B4GALT3: variants seen among roughly 807,000 people sequenced by gnomAD.
B4GALT3 encodes the protein beta-1,4-galactosyltransferase 3.
A neutral mutation model predicts 40.7 loss-of-function variants in B4GALT3; 29 were observed. The observed-to-expected ratio is 0.71, with a 90% CI of 0.53 to 0.97. B4GALT3 has a LOEUF of 0.97. Among genes scored for constraint, B4GALT3 ranks in the 50% least tolerant of loss-of-function variants. The probability of loss-of-function intolerance (pLI) is 0.00; values close to 1 mark genes in which losing one functional copy is unlikely to be tolerated. For synonymous variants in B4GALT3, 182 were observed against 203.9 expected (o/e 0.89, Z 0.92); for missense variants, 390 against 522.3 (o/e 0.75, Z 2.47).
At position 161,171,318 on chromosome 1, in the gene B4GALT3, A is replaced by C; in HGVS notation, c.*498T>G. 7.3e-7 allele frequency: 1 copy of C among 1,361,558 alleles called. No individual in the cohort carries two copies. The highest frequency in any genetic ancestry group is 1.2e-5 in the South Asian group (1 of 83,202). The allele number at this position is 1,361,558 out of a possible 1,614,324, so 84.3% of individuals were successfully genotyped here. A position where few individuals can be genotyped will look rare whatever the true frequency, so the allele number is the denominator to read the frequency against. The stretch of plus-strand genomic sequence containing the variant: ...CAGAAAGCAGGAGCAGATGCGAGAC[A>C]AAGTCCTTTATTAGAAAATATATCA... On this transcript the variant is annotated 3_prime_UTR_variant, in exon 8 of 8. Coordinates refer to ENST00000319769, the MANE Select transcript of B4GALT3 (RefSeq NM_003779.4).
At position 161,171,346 on chromosome 1, in the gene B4GALT3, A is replaced by C; in HGVS notation, c.*470T>G. The C allele has an allele frequency of 2.6e-6, 3 of 1,158,972 alleles. No individual in the cohort carries two copies. The highest frequency in any genetic ancestry group is 3.7e-6 in the Non-Finnish European group (3 of 812,760). 71.8% of individuals were successfully genotyped at this position (1,158,972 alleles called of 1,614,324 possible). ...GTCCTTTATTAGAAAATATATCAAA[A>C]TCCCAGCCCCCTGAGCCAGGACCAG... On this transcript the variant is annotated 3_prime_UTR_variant, in exon 8 of 8. Transcript: ENST00000319769.
At position 161,176,941 on chromosome 1, in the gene B4GALT3, T is replaced by C. The variant is rs1391330826; in HGVS notation, c.-160-362A>G. On this transcript the variant is annotated intron_variant, in intron 1 of 7. Coordinates refer to ENST00000319769, the MANE Select transcript of B4GALT3 (RefSeq NM_003779.4). ...GGCGAAGTAGGAAACAGGCTCCTTC[T>C]ATTCTTCATGTGCCTGGGTGCCAAC... 3 of 1,536,072 alleles carry C rather than the reference T, an allele frequency of 2.0e-6. No individual in the cohort carries two copies. The African/African-American group carries it at 4.1e-5, about 21-fold the overall frequency.
chr1:161,176,857 C>T (rs1463869712), intron 1 of B4GALT3: 11 of 1,535,762 alleles, frequency 7.2e-6, no homozygotes, highest in Non-Finnish European at 7.9e-6. Flanking sequence ...AGACCAAGAA[C>T]CAGTTGAAGT....
chr1:161,176,837 G>A, intron 1 of B4GALT3: 4 of 1,533,956 alleles, frequency 2.6e-6, no homozygotes, highest in Non-Finnish European at 3.5e-6. Flanking sequence ...TGGAAACATT[G>A]TTTTCCCCCA....
In B4GALT3 at chr1:161,173,561, A is replaced by T. The variant is rs377565818; in HGVS notation, c.803+44T>A. The T allele has an allele frequency of 1.2e-3, 1,963 of 1,612,184 alleles. 2 individuals are homozygous for T. The highest frequency in any genetic ancestry group is 1.6e-3 in the Non-Finnish European group (1,845 of 1,179,706). Reference sequence around the variant, plus strand: ...TCAAAGGTGGTCTTAGAGGACAGGGATCCAGACTGGGGTCAGGAGGGAGGA... The same window carrying T: ...TCAAAGGTGGTCTTAGAGGACAGGGTTCCAGACTGGGGTCAGGAGGGAGGA... On this transcript the variant is annotated intron_variant, in intron 6 of 7. Transcript: ENST00000319769.
chr1:161,177,197 G>A, intron 1 of B4GALT3: 1 of 932,668 alleles, frequency 1.1e-6, no homozygotes, highest in Non-Finnish European at 1.6e-6. Context: ...GCGCTGTGGA[G>A]GGGGTTAAAA....
At chr1:161,172,675 C>T (rs182254328) in intron 6 of B4GALT3, among the ~76,000 whole-genome samples, 2 of 133,768 alleles carry the variant, frequency 1.5e-5, no homozygotes, top group Admixed American at 1.5e-4. Context: ...CTGGGAGTTG[C>T]TGAGAATCTT....
chr1:161,172,668 G>A (rs1661880293), intron 6 of B4GALT3, among the ~76,000 whole-genome samples: 1 of 143,474 alleles, frequency 7.0e-6, no homozygotes, highest in East Asian at 2.1e-4. Flanking sequence ...GAGAAGACTG[G>A]GAGTTGCTGA....
intron 1 of B4GALT3, 181 bp from the exon 2 acceptor site, chr1:161,176,760 C>A: frequency 9.3e-7 from 1 of 1,071,490 alleles, no homozygotes; most frequent in Non-Finnish European, 1.4e-6. Flanking sequence ...GTGTCAGGTT[C>A]ATACTTAACC....
At chr1:161,173,514 G>T in intron 6 of B4GALT3, 91 bp downstream of exon 6, 1 of 1,577,358 alleles carries the variant, frequency 6.3e-7, no homozygotes, top group Non-Finnish European at 8.7e-7. Flanking sequence ...GGGAGCTAAA[G>T]GTTAGTGTTG....
Position 161,175,855 on chromosome 1 carries a change from G to A in B4GALT3, c.206C>T (p.Pro69Leu), listed in dbSNP as rs1211378370. 1.2e-6 allele frequency: 2 copies of A among 1,614,158 alleles called. No individual in the cohort carries two copies. Among genetic ancestry groups the A allele is most frequent in the African/African-American group, 1.3e-5 (1 of 75,026 alleles). The change falls in exon 3 of 8, where the codon CCA becomes CTA. Residue 69 changes from proline (P) to leucine (L), a missense_variant. Coordinates refer to ENST00000319769, the MANE Select transcript of B4GALT3 (RefSeq NM_003779.4). ...ACAGTAGGGCAGACCTTGAGGAGCT[G>A]GAGGACCCCCTGGGGCCCCAGGCAG... ...SHLPGAPGGP[P>L]APQGLPYCPE...
Position 161,176,157 on chromosome 1 carries a change from T to C in B4GALT3, c.-14-83A>G, listed in dbSNP as rs1663433844. 7.6e-6 allele frequency: 11 copies of C among 1,452,334 alleles called. No individual in the cohort carries two copies. The Admixed American group carries it at 1.9e-4, about 25-fold the overall frequency. The allele number at this position is 1,452,334 out of a possible 1,614,324, so 90.0% of individuals were successfully genotyped here. On this transcript the variant is annotated intron_variant, in intron 2 of 7. Transcript: ENST00000319769. ...GGTCAGTAGGTAGGGTTGAAGGTGA[T>C]GCCAGGGGTAAAGAGGAAAAAGCAG...
At position 161,171,973 on chromosome 1, in the gene B4GALT3, A is replaced by G. The variant is rs1404380783; in HGVS notation, c.1025T>C (p.Ile342Thr). 6.2e-7 allele frequency: 1 copy of G among 1,614,124 alleles called. No homozygotes were observed. Among genetic ancestry groups the G allele is most frequent in the Admixed American group, 1.7e-5 (1 of 60,014 alleles). The change falls in exon 8 of 8, where the codon ATT (isoleucine) becomes ACT (threonine). Residue 342 changes from isoleucine (I) to threonine (T), a missense_variant. By Grantham distance (89) the Ile-to-Thr change is moderately conservative. Coordinates refer to ENST00000319769, the MANE Select transcript of B4GALT3 (RefSeq NM_003779.4). Reference sequence around the variant, plus strand: ...CCGAGGACCCCGAGGGTCAGTCCCAATGTCTGCTGTGATGTTGGTATAAAG... The same window carrying G: ...CCGAGGACCCCGAGGGTCAGTCCCAGTGTCTGCTGTGATGTTGGTATAAAG... ...GPLYTNITADIGTDPRGPRAP... is the reference protein window; with the variant it reads ...GPLYTNITADTGTDPRGPRAP...
Position 161,172,324 on chromosome 1 carries a change from G to A in B4GALT3, c.811C>T (p.Leu271=), listed in dbSNP as rs772007951. 1.2e-6 allele frequency: 2 copies of A among 1,613,756 alleles called. No homozygotes were observed. The highest frequency in any genetic ancestry group is 1.7e-6 in the Non-Finnish European group (2 of 1,179,936). The change falls in exon 7 of 8, where the codon CTG becomes TTG. Residue 271 remains leucine (L), a synonymous_variant. Transcript: ENST00000319769. ...GGCCGAGAGATCTTCATCCCAGCCAGGCGCACCCTATGGGAAAAGTGAGGG... is the reference window on the plus strand; with the variant it reads ...GGCCGAGAGATCTTCATCCCAGCCAAGCGCACCCTATGGGAAAAGTGAGGG... The part of the protein sequence containing the change: ...EDDDIATRVR[L]AGMKISRPPT...
intron 1 of B4GALT3, chr1:161,176,813 G>A (rs1419850952): frequency 3.1e-5 from 47 of 1,518,058 alleles, no homozygotes; most frequent in East Asian, 1.7e-4. Context: ...GGGGAGTGGG[G>A]ACAGGACAGC....
At chr1:161,175,731 C>CA (rs764397880) in intron 3 of B4GALT3, 77 bp downstream of exon 3, 32 of 1,568,000 alleles carry the variant, frequency 2.0e-5, no homozygotes, top group Non-Finnish European at 2.7e-5. Flanking sequence ...TCTGCCACTC[C>CA]ATGCCTCCCT....
chr1:161,173,258 GC>G (rs1302679715), intron 6 of B4GALT3, among the ~76,000 whole-genome samples: 1 of 152,176 alleles, frequency 6.6e-6, no homozygotes, highest in Non-Finnish European at 1.5e-5. Context: ...ATGGAGCAGA[GC>G]CCCTCTCTCC....
chr1:161,171,823 G>A lies in B4GALT3; in HGVS notation c.1175C>T (p.Ser392Leu). ...GTAGACAGGAAGGAGGAGTCAGTGT[G>A]AACCTCGGAGGGCTGTGTGGTTGGC... ...STANHTALRG[S>L]H Residue 392 changes from serine (S) to leucine (L), a missense_variant, in exon 8 of 8, where the codon TCA becomes TTA. Ser to Leu is a moderately radical substitution (Grantham distance 145, BLOSUM62 -2). Around this residue, in one of 3 missense-constraint regions of B4GALT3, gnomAD observed 72 missense variants for 71.3 expected, o/e 1.01. Coordinates refer to ENST00000319769, the MANE Select transcript of B4GALT3 (RefSeq NM_003779.4). The A allele has an allele frequency of 6.2e-7, 1 of 1,614,058 alleles. No individual in the cohort carries two copies. Among genetic ancestry groups the A allele is most frequent in the Non-Finnish European group, 8.5e-7 (1 of 1,180,022 alleles).
Position 161,171,551 on chromosome 1 carries a change from G to T in B4GALT3, c.*265C>A. 1 of 591,792 alleles carries T rather than the reference G, an allele frequency of 1.7e-6. No homozygotes were observed. The highest frequency in any genetic ancestry group is 3.0e-6 in the Non-Finnish European group (1 of 337,884). The allele number at this position is 591,792 out of a possible 1,614,324, so 36.7% of individuals were successfully genotyped here. ...GTCCAGCCCTGCTCCTACTCTAGGG[G>T]CAGGGACTCCTAGGAATCGTCACAT... is the stretch of plus-strand genomic sequence containing the variant. On this transcript the variant is annotated 3_prime_UTR_variant, in exon 8 of 8. Coordinates refer to ENST00000319769, the MANE Select transcript of B4GALT3 (RefSeq NM_003779.4).
Sources: allele counts gnomAD v4.1 joint callset (sites outside exome capture counted in the v4.1 genomes callset), GRCh38; gene constraint gnomAD v4.1.1; regional missense constraint gnomAD v4.1.1; transcripts MANE v1.5; gene names NCBI Gene and HGNC (gene_info 2026-07-23, HGNC 2026-07-21).